Variants in NCKAP1 observed in about 807,000 individuals in gnomAD.
The protein encoded by NCKAP1 is nck-associated protein 1.
Under a neutral mutation model 151.2 loss-of-function variants are expected in NCKAP1, and 21 were observed. The ratio of observed to expected loss-of-function variants is 0.14; its 90% CI spans 0.10 to 0.20. The LOEUF (loss-of-function observed/expected upper bound fraction) is 0.20, where lower values mean the gene tolerates loss of function less well. Ranked by LOEUF, NCKAP1 falls within the 10% of genes least tolerant of loss-of-function variation. NCKAP1 has a pLI of 1.00. For missense variants in NCKAP1, 933 were observed against 1,352.1 expected (o/e 0.69, Z 4.86); for synonymous variants, 484 against 451.8 (o/e 1.07, Z -0.90).
chr2:182,934,211 C>T (rs1239231343), intron 26 of NCKAP1, among the ~76,000 whole-genome samples: 1 of 151,812 alleles, frequency 6.6e-6, no homozygotes, highest in Non-Finnish European at 1.5e-5. Flanking sequence ...GGTCTCAGCT[C>T]GCTACACGCT....
rs573049944 is a variant in NCKAP1, at chr2:182,931,746, A to G, written c.2860-958T>C. 3.9e-5 allele frequency among the ~76,000 whole-genome samples: 6 copies of G among 152,266 alleles called. No individual in the cohort carries two copies. The South Asian group carries it at 1.0e-3, about 26-fold the overall frequency. On this transcript the variant is annotated intron_variant, in intron 26 of 30. Coordinates refer to ENST00000361354, the MANE Select transcript of NCKAP1 (RefSeq NM_013436.5). ...AGATTTGCAAATCATGAATCTGTTAATGGACTTGTATCCAAAACATATGAA... is the reference window on the plus strand; with the variant it reads ...AGATTTGCAAATCATGAATCTGTTAGTGGACTTGTATCCAAAACATATGAA...
Position 182,962,203 on chromosome 2 carries a change from G to A in NCKAP1, c.1837C>T (p.Leu613Phe). 6.2e-7 allele frequency: 1 copy of A among 1,612,882 alleles called. No individual in the cohort carries two copies. The highest frequency in any genetic ancestry group is 8.5e-7 in the Non-Finnish European group (1 of 1,179,184). ...TGTTCTGTGCAAATATCAGTGATGA[G>A]ATTTCGAGCTTGTTTGGCCATTTCA... is the stretch of plus-strand genomic sequence containing the variant. The part of the protein sequence containing the change: ...LDEMAKQARN[L>F]ITDICTEQCT... The change falls in exon 18 of 31, where the codon CTC (leucine) becomes TTC (phenylalanine). Residue 613 changes from leucine to phenylalanine, a missense_variant. Leu to Phe is a conservative substitution (Grantham distance 22). This residue lies in a region of NCKAP1 where 607 missense variants were observed against 795.0 expected (regional missense o/e 0.76). Coordinates refer to ENST00000361354, the MANE Select transcript of NCKAP1 (RefSeq NM_013436.5).
At chr2:183,022,926 G>A (rs1698821953) in intron 2 of NCKAP1, 1 of 152,156 alleles carries the variant, frequency 6.6e-6, no homozygotes, top group Non-Finnish European at 1.5e-5. Context: ...ATCTGTAACT[G>A]ACGCAGAACA....
chr2:182,942,195 A>C (rs757828234), intron 23 of NCKAP1, 32 bp from the exon 24 acceptor site: 12 of 1,521,526 alleles, frequency 7.9e-6, no homozygotes, highest in Non-Finnish European at 1.1e-5. Flanking sequence ...TAGGTCAGGC[A>C]CAGACCTCTT....
At chr2:182,925,840 T>A in intron 30 of NCKAP1, 22 bp from the exon 31 acceptor site, 1 of 1,330,702 alleles carries the variant, frequency 7.5e-7, no homozygotes, top group Non-Finnish European at 1.0e-6. Flanking sequence ...AAAAAATCCA[T>A]CAAAACAAGT....
chr2:183,017,776 C>T (rs1359447747), intron 2 of NCKAP1, among the ~76,000 whole-genome samples: 2 of 151,972 alleles, frequency 1.3e-5, no homozygotes, highest in Non-Finnish European at 2.9e-5. Context: ...TTTAGGAAAA[C>T]CCACATTTAA....
chr2:182,989,258 TTGAAAAATACAGAAAC>T (rs1698119371), intron 8 of NCKAP1, 72 bp from the exon 9 acceptor site: 3 of 1,288,174 alleles, frequency 2.3e-6, no homozygotes, highest in Non-Finnish European at 3.2e-6. Context: ...AGTGTAGCTT[TTGAAAAATACAGAAAC>T]GTAACCACGA....
At position 183,038,407 on chromosome 2, in the gene NCKAP1, C is replaced by T. The variant is rs1037667429; in HGVS notation, c.-308G>A. On this transcript the variant is annotated 5_prime_UTR_variant, in exon 1 of 31. Transcript: ENST00000361354. ...CAACGAGCCGCCTTCCCCGGCTGCT[C>T]CACTAGGTGTGGCGGCGGCGGCGGC... 20 of 230,450 alleles carry T rather than the reference C, an allele frequency of 8.7e-5. No homozygotes were observed. In the South Asian group the frequency reaches 2.8e-3, roughly 32 times the overall value. The allele number at this position is 230,450 out of a possible 1,614,324, so 14.3% of individuals were successfully genotyped here.
At chr2:183,033,715 T>C (rs1307570188) in intron 1 of NCKAP1, among the ~76,000 whole-genome samples, 2 of 152,216 alleles carry the variant, frequency 1.3e-5, no homozygotes, top group Admixed American at 6.5e-5. Flanking sequence ...TCTAAAATAG[T>C]CAACTATGCA....
At chr2:183,017,971 C>G (rs757639776) in intron 2 of NCKAP1, among the ~76,000 whole-genome samples, 1 of 152,066 alleles carries the variant, frequency 6.6e-6, no homozygotes, top group Non-Finnish European at 1.5e-5. Flanking sequence ...GATACCTGGC[C>G]GGGTGCGGTG....
intron 2 of NCKAP1, among the ~76,000 whole-genome samples, 186 bp downstream of exon 2, chr2:183,023,619 CG>C (rs1413149299): frequency 6.6e-6 from 1 of 151,880 alleles, no homozygotes; most frequent in Admixed American, 6.6e-5. Flanking sequence ...GTGGCAATGT[CG>C]TTAAGAGTTA....
chr2:182,964,544 C>T lies in NCKAP1; in HGVS notation c.1761+132G>A, dbSNP rs1697524877. The T allele has an allele frequency of 6.8e-6, 4 of 588,584 alleles. No individual in the cohort carries two copies. In the East Asian group the frequency reaches 1.3e-4, roughly 20 times the overall value. 36.5% of individuals were successfully genotyped at this position (588,584 alleles called of 1,614,324 possible). A position where few individuals can be genotyped will look rare whatever the true frequency, so the allele number is the denominator to read the frequency against. ...CCTATGTATCTGTTCAAGCACTTTT[C>T]TGATTCTGCATAGAGATGTATTCGA... On this transcript the variant is annotated intron_variant, in intron 17 of 30. Coordinates refer to ENST00000361354, the MANE Select transcript of NCKAP1 (RefSeq NM_013436.5).
At chr2:182,998,694 G>A (rs1055182986) in intron 6 of NCKAP1, among the ~76,000 whole-genome samples, 2 of 151,900 alleles carry the variant, frequency 1.3e-5, no homozygotes, top group Admixed American at 6.6e-5. Flanking sequence ...GCTGGGCGTG[G>A]TGACAGGCAC....
At chr2:183,023,716 G>T in intron 2 of NCKAP1, 90 bp downstream of exon 2, 1 of 968,016 alleles carries the variant, frequency 1.0e-6, no homozygotes, top group Non-Finnish European at 1.6e-6. Context: ...TAAAAATTAG[G>T]TAAATAAGAG....
intron 29 of NCKAP1, among the ~76,000 whole-genome samples, chr2:182,927,900 C>A (rs1696681435): frequency 6.6e-6 from 1 of 151,828 alleles, no homozygotes; most frequent in South Asian, 2.1e-4. Context: ...TAATGCCCCA[C>A]CTTCACCTGT....
chr2:183,027,307 A>G lies in NCKAP1; in HGVS notation c.109-3391T>C, dbSNP rs762868622. Among the ~76,000 whole-genome samples the G allele has an allele frequency of 2.0e-4, 31 of 152,222 alleles. 1 individual carries two copies. Among genetic ancestry groups the G allele is most frequent in the Middle Eastern group, 3.2e-3 (1 of 316 alleles). On this transcript the variant is annotated intron_variant, in intron 1 of 30. Transcript: ENST00000361354. Reference sequence around the variant, plus strand: ...TGTTACCTGTAGACTTTACGAGAGTATTTGGCATACCAAGAGCTCCCAAAA... The same window carrying G: ...TGTTACCTGTAGACTTTACGAGAGTGTTTGGCATACCAAGAGCTCCCAAAA...
intron 26 of NCKAP1, among the ~76,000 whole-genome samples, chr2:182,932,084 A>G (rs1696777554): frequency 6.6e-6 from 1 of 152,208 alleles, no homozygotes; most frequent in Non-Finnish European, 1.5e-5. Context: ...AAGGCTAAAC[A>G]TACAGTTTTC....
In NCKAP1 at chr2:182,957,569, T is replaced by C. The variant is rs772326470; in HGVS notation, c.1909A>G (p.Ile637Val). The C allele has an allele frequency of 4.3e-6, 7 of 1,613,540 alleles. No individual in the cohort carries two copies. The highest frequency in any genetic ancestry group is 2.2e-5 in the South Asian group (2 of 90,918). Residue 637 changes from isoleucine (I) to valine (V), a missense_variant, in exon 19 of 31, where the codon ATC (isoleucine) becomes GTC (valine). This residue lies in a region of NCKAP1 where 607 missense variants were observed against 795.0 expected (regional missense o/e 0.76). Coordinates refer to ENST00000361354, the MANE Select transcript of NCKAP1 (RefSeq NM_013436.5). ...QLLPKHCAKTISQAVNKKSKK... is the reference protein window; with the variant it reads ...QLLPKHCAKTVSQAVNKKSKK... ...GATTTCTTATTCACTGCTTGACTGATAGTTTTGGCACAATGCTTGGGTAGC... is the reference window on the plus strand; with the variant it reads ...GATTTCTTATTCACTGCTTGACTGACAGTTTTGGCACAATGCTTGGGTAGC...
At chr2:182,934,880 C>A in intron 25 of NCKAP1, 48 bp from the exon 26 acceptor site, 1 of 876,642 alleles carries the variant, frequency 1.1e-6, no homozygotes, top group Non-Finnish European at 1.7e-6. Flanking sequence ...TAAATGGCAA[C>A]CCCTAAATTT....
Sources: gnomAD v4.1 joint callset for allele counts (sites outside exome capture counted in the v4.1 genomes callset) on GRCh38, gnomAD v4.1.1 for gene constraint, gnomAD v4.1.1 regional missense constraint, MANE v1.5 for transcripts, NCBI Gene and HGNC (gene_info 2026-07-23, HGNC 2026-07-21) for gene names.